TPTE: variants seen among roughly 807,000 people sequenced by gnomAD.
TPTE encodes the protein transmembrane phosphatase with tensin homology.
TPTE carries 59 observed loss-of-function variants against 84.1 expected under a neutral mutation model. That is an observed-to-expected ratio of 0.70 (90% CI 0.57 to 0.87). The LOEUF is 0.87. Ranked by LOEUF, TPTE falls within the 40% of genes least tolerant of loss-of-function variation. The probability of loss-of-function intolerance (pLI) is 0.00; values close to 1 mark genes in which losing one functional copy is unlikely to be tolerated. For synonymous variants in TPTE, 130 were observed against 223.5 expected (o/e 0.58, Z 3.73); for missense variants, 382 against 659.6 (o/e 0.58, Z 4.61).
intron 7 of TPTE, among the ~76,000 whole-genome samples, chr21:10,549,948 C>G (rs560956820): frequency 1.2e-3 from 180 of 152,326 alleles, no homozygotes; most frequent in African/African-American, 4.0e-3. Context: ...AATGGAATCC[C>G]CATTAGACTA....
At chr21:10,580,358 A>C (rs2075250164) in intron 17 of TPTE, among the ~76,000 whole-genome samples, 1 of 152,310 alleles carries the variant, frequency 6.6e-6, no homozygotes, top group Non-Finnish European at 1.5e-5. Flanking sequence ...TTTTAGTTTG[A>C]TACAGTATCA....
At chr21:10,549,042 C>T (rs1489099253) in intron 7 of TPTE, among the ~76,000 whole-genome samples, 1 of 152,312 alleles carries the variant, frequency 6.6e-6, no homozygotes, top group Non-Finnish European at 1.5e-5. Context: ...GAGCCCACCC[C>T]TGGCAAGGCT....
intron 10 of TPTE, among the ~76,000 whole-genome samples, chr21:10,562,112 A>G (rs1246347927): frequency 1.3e-5 from 2 of 152,308 alleles, no homozygotes; most frequent in Non-Finnish European, 2.9e-5. Flanking sequence ...GCAGAGAATT[A>G]TCCTGGATCT....
At chr21:10,597,382 G>T (rs1275728023) in intron 20 of TPTE, among the ~76,000 whole-genome samples, 1 of 152,256 alleles carries the variant, frequency 6.6e-6, no homozygotes, top group Non-Finnish European at 1.5e-5. Context: ...TGCAAAGGTT[G>T]CAAGTCACCT....
At chr21:10,568,675 C>A (rs1449342213) in intron 11 of TPTE, among the ~76,000 whole-genome samples, 1 of 152,310 alleles carries the variant, frequency 6.6e-6, no homozygotes, top group Non-Finnish European at 1.5e-5. Flanking sequence ...ATGTGGTCCT[C>A]TGACTAGAAA....
chr21:10,571,956 GATT>G (rs2075051930), intron 14 of TPTE, among the ~76,000 whole-genome samples: 36 of 152,184 alleles, frequency 2.4e-4, no homozygotes, highest in African/African-American at 8.4e-4. Context: ...AGTGAGCCAA[GATT>G]GTGCCACTGC....
chr21:10,541,997 T>C (rs2145618404), intron 5 of TPTE, among the ~76,000 whole-genome samples: 1 of 152,426 alleles, frequency 6.6e-6, no homozygotes, highest in East Asian at 1.9e-4. Flanking sequence ...TTGTGGGACA[T>C]GAGAAACCAC....
At chr21:10,563,185 A>G (rs2074843619) in intron 10 of TPTE, among the ~76,000 whole-genome samples, 1 of 152,310 alleles carries the variant, frequency 6.6e-6, no homozygotes, top group Non-Finnish European at 1.5e-5. Context: ...TGAAGGGGAA[A>G]TAAAGACTTT....
At chr21:10,550,398 A>G (rs1450387716) in intron 7 of TPTE, among the ~76,000 whole-genome samples, 2 of 152,298 alleles carry the variant, frequency 1.3e-5, no homozygotes, top group Non-Finnish European at 2.9e-5. Context: ...AATATATTCT[A>G]TGCAAATGGA....
At chr21:10,523,393 GCACCCA>G (rs1330772276) in intron 1 of TPTE, among the ~76,000 whole-genome samples, 1 of 152,282 alleles carries the variant, frequency 6.6e-6, no homozygotes, top group Non-Finnish European at 1.5e-5. Flanking sequence ...CTGGTGCGCT[GCACCCA>G]CAAACTCCTC....
Position 10,603,565 on chromosome 21 carries a change from C to G in TPTE, c.1453C>G (p.Leu485Val). ...DVKVQFFYSN[L>V]PTYYDNCSFY... ...TGAAATTTTTTTTTCTTTTTAGAATCTTCCTACATACTATGACAATTGCTC... is the reference window on the plus strand; with the variant it reads ...TGAAATTTTTTTTTCTTTTTAGAATGTTCCTACATACTATGACAATTGCTC... Residue 485 changes from leucine to valine, a missense_variant, in exon 23 of 24, where the codon CTT (leucine) becomes GTT (valine). Around this residue, in one of 10 missense-constraint regions of TPTE, gnomAD observed 120 missense variants for 79.1 expected, o/e 1.52. Transcript: ENST00000618007. 6.2e-7 allele frequency: 1 copy of G among 1,611,324 alleles called. No homozygotes were observed. Among genetic ancestry groups the G allele is most frequent in the South Asian group, 1.1e-5 (1 of 90,572 alleles).
intron 3 of TPTE, among the ~76,000 whole-genome samples, chr21:10,530,138 T>G (rs555012462): frequency 6.6e-6 from 1 of 152,312 alleles, no homozygotes; most frequent in Non-Finnish European, 1.5e-5. Context: ...TCCTTTTGAC[T>G]TGACATGTTC....
intron 19 of TPTE, among the ~76,000 whole-genome samples, chr21:10,594,949 CT>C (rs2075553796): frequency 6.6e-6 from 1 of 152,306 alleles, no homozygotes; most frequent in Non-Finnish European, 1.5e-5. Context: ...ATGACTGGCC[CT>C]TTCTAAAGGG....
At chr21:10,567,597 T>A (rs1420480263) in intron 10 of TPTE, 73 bp from the exon 11 acceptor site, 3 of 1,588,376 alleles carry the variant, frequency 1.9e-6, no homozygotes, top group Admixed American at 1.8e-5. Context: ...GAGTCAATAG[T>A]TTGTGGTCTT....
chr21:10,548,818 G>A (rs1318341776), intron 7 of TPTE, among the ~76,000 whole-genome samples: 1 of 152,312 alleles, frequency 6.6e-6, no homozygotes, highest in Non-Finnish European at 1.5e-5. Flanking sequence ...TGGAGTGCAT[G>A]CTTCCAGGCC....
intron 21 of TPTE, among the ~76,000 whole-genome samples, chr21:10,601,541 A>C (rs1156465588): frequency 7.9e-5 from 12 of 152,290 alleles, no homozygotes; most frequent in African/African-American, 2.9e-4. Context: ...ATAACCCTCA[A>C]ATATGTTGGC....
intron 7 of TPTE, among the ~76,000 whole-genome samples, chr21:10,547,400 G>C (rs1377364225): frequency 1.3e-5 from 2 of 152,310 alleles, no homozygotes; most frequent in Non-Finnish European, 2.9e-5. Context: ...TTGGCCCAGA[G>C]ACAGGAGGGA....
intron 15 of TPTE, 35 bp downstream of exon 15, chr21:10,577,555 TAGAAAAC>T: frequency 1.2e-6 from 2 of 1,613,790 alleles, no homozygotes; most frequent in Non-Finnish European, 1.7e-6. Context: ...CTACTGTAGA[TAGAAAAC>T]AGATTACTGC....
intron 17 of TPTE, 108 bp downstream of exon 17, chr21:10,578,713 C>A: frequency 6.4e-7 from 1 of 1,566,892 alleles, no homozygotes; most frequent in South Asian, 1.2e-5. Context: ...TAATTGTTAG[C>A]ATTTTTAAAT....
Sources: allele counts gnomAD v4.1 joint callset (sites outside exome capture counted in the v4.1 genomes callset), GRCh38; gene constraint gnomAD v4.1.1; regional missense constraint gnomAD v4.1.1; transcripts MANE v1.5; gene names NCBI Gene and HGNC (gene_info 2026-07-23, HGNC 2026-07-21).